Variants in WWP2 observed in about 807,000 individuals in gnomAD.
The protein encoded by WWP2 is NEDD4-like E3 ubiquitin-protein ligase WWP2.
WWP2 carries 57 observed loss-of-function variants against 121.0 expected under a neutral mutation model. That is an observed-to-expected ratio of 0.47 (90% confidence interval 0.38 to 0.59). WWP2 has a LOEUF of 0.59. WWP2 is among the 20% of genes least tolerant of loss of function. The pLI, the probability that WWP2 is intolerant of heterozygous loss-of-function variation, is 0.00. For synonymous variants in WWP2, 449 were observed against 441.3 expected (o/e 1.02, Z -0.22); for missense variants, 962 against 1,158.9 (o/e 0.83, Z 2.47).
In WWP2 at chr16:69,771,296, T is replaced by C. The variant is rs557013383; in HGVS notation, c.-16+8905T>C. Among the ~76,000 whole-genome samples the C allele has an allele frequency of 1.4e-3, 206 of 152,342 alleles. 1 individual carries two copies. The highest frequency in any genetic ancestry group is 6.0e-3 in the South Asian group (29 of 4,826). On this transcript the variant is annotated intron_variant, in intron 1 of 23. Coordinates refer to ENST00000359154, the MANE Select transcript of WWP2 (RefSeq NM_001270454.2). ...TGAAATCTTGCTGTGTCTCCCAGGC[T>C]GGAGTGCAGTGTGCTATCTTGGCTC...
chr16:69,929,525 CA>C lies in WWP2; in HGVS notation c.1313del (p.Gln438ArgfsTer3). The C allele has an allele frequency of 6.2e-7, 1 of 1,614,032 alleles. No homozygotes were observed. Among genetic ancestry groups the C allele is most frequent in the Non-Finnish European group, 8.5e-7 (1 of 1,179,968 alleles). ...GACCCAGTGGGAGGATCCCCGGACCCAGGGGTAAGGACTTGGGCTGAGAGGG... is the reference window on the plus strand; with the variant it reads ...GACCCAGTGGGAGGATCCCCGGACCCGGGGTAAGGACTTGGGCTGAGAGGG... Reference protein sequence around the residue: ...RTTQWEDPRTQGMIQEPALPP... With the variant: ...RTTQWEDPRTXGMIQEPALPP... On this transcript the variant is annotated frameshift_variant, in exon 12 of 24. Coordinates refer to ENST00000359154, the MANE Select transcript of WWP2 (RefSeq NM_001270454.2). LOFTEE classifies it high-confidence loss of function.
chr16:69,848,430 A>T (rs925795430), intron 6 of WWP2, among the ~76,000 whole-genome samples: 3 of 151,918 alleles, frequency 2.0e-5, no homozygotes, highest in Admixed American at 1.3e-4. Flanking sequence ...AGCCTGGTCA[A>T]CAAGAGCAAA....
intron 4 of WWP2, chr16:69,827,958 G>C: frequency 2.2e-6 from 1 of 453,614 alleles, no homozygotes; most frequent in South Asian, 1.6e-5. Flanking sequence ...TGAAATCTTT[G>C]TATCTTGTTT....
At chr16:69,882,703 A>T (rs1365495271) in intron 7 of WWP2, among the ~76,000 whole-genome samples, 2 of 152,212 alleles carry the variant, frequency 1.3e-5, no homozygotes, top group African/African-American at 4.8e-5. Flanking sequence ...TGCAGCAAGA[A>T]CACAAGGGAC....
intron 13 of WWP2, 83 bp downstream of exon 13, chr16:69,930,341 G>A: frequency 6.4e-7 from 1 of 1,574,444 alleles, no homozygotes; most frequent in South Asian, 1.2e-5. Context: ...GCCCACTTTG[G>A]GTGGCCCCTG....
At position 69,940,125 on chromosome 16, in the gene WWP2, C is replaced by T. The variant is rs748150237; in HGVS notation, c.*185C>T. The T allele has an allele frequency of 4.7e-5, 28 of 594,660 alleles. No individual in the cohort carries two copies. The highest frequency in any genetic ancestry group is 2.4e-4 in the African/African-American group (13 of 53,858). The allele number at this position is 594,660 out of a possible 1,614,324, so 36.8% of individuals were successfully genotyped here. A position where few individuals can be genotyped will look rare whatever the true frequency, so the allele number is the denominator to read the frequency against. ...GAGGCCCTGCAGTTCCCCCGACCCG[C>T]GGATGGCAGTCTGGAATAAAGCCCC... On this transcript the variant is annotated 3_prime_UTR_variant, in exon 24 of 24. Transcript: ENST00000359154.
At chr16:69,850,111 G>A (rs902418576) in intron 6 of WWP2, among the ~76,000 whole-genome samples, 2 of 152,156 alleles carry the variant, frequency 1.3e-5, no homozygotes, top group Admixed American at 6.5e-5. Context: ...AGTCGGCCGG[G>A]CGCAGTGGCT....
intron 1 of WWP2, chr16:69,775,122 A>G (rs1307330729): frequency 6.6e-6 from 1 of 152,208 alleles, no homozygotes; most frequent in Admixed American, 6.5e-5. Context: ...CGATTGGACA[A>G]AAGGGGTATG....
In WWP2 at chr16:69,799,264, C is replaced by T. The variant is rs1370204361; in HGVS notation, c.309C>T (p.Leu103=). 1 of 1,613,998 alleles carries T rather than the reference C, an allele frequency of 6.2e-7. No individual in the cohort carries two copies. Among genetic ancestry groups the T allele is most frequent in the Non-Finnish European group, 8.5e-7 (1 of 1,180,040 alleles). ...TGCTAGGCACCGCATCTGTCAACCT[C>T]TCCAACGTCTTGAAGAACAATGGGG... ...NELLGTASVN[L]SNVLKNNGGK... The change falls in exon 4 of 24, where the codon CTC becomes CTT. Residue 103 remains leucine (L), a synonymous_variant. Transcript: ENST00000359154. This position sits in a 1 kb window ranked among gnomAD's most constrained non-coding sequence, Gnocchi z 4.5.
At chr16:69,929,618 CCAGAGGG>C in intron 12 of WWP2, 89 bp downstream of exon 12, 1 of 1,158,864 alleles carries the variant, frequency 8.6e-7, no homozygotes, top group East Asian at 2.4e-5. Flanking sequence ...CTGCATCGTC[CCAGAGGG>C]CTGATGTCAG....
At chr16:69,793,455 C>T (rs1312765163) in intron 2 of WWP2, among the ~76,000 whole-genome samples, 1 of 152,234 alleles carries the variant, frequency 6.6e-6, no homozygotes, top group Non-Finnish European at 1.5e-5. Flanking sequence ...ACAGAGTTAT[C>T]ACTCAGATCA....
At chr16:69,796,571 A>G (rs1040549521) in intron 2 of WWP2, among the ~76,000 whole-genome samples, 1 of 152,234 alleles carries the variant, frequency 6.6e-6, no homozygotes, top group Non-Finnish European at 1.5e-5. Context: ...AAAATTTAAA[A>G]TACAGTTTTT....
intron 1 of WWP2, among the ~76,000 whole-genome samples, chr16:69,778,644 T>TA (rs1358627686): frequency 3.3e-5 from 5 of 152,092 alleles, no homozygotes; most frequent in Middle Eastern, 6.8e-3. Context: ...TTTCTATAGT[T>TA]ACGGTTATTT....
At position 69,787,021 on chromosome 16, in the gene WWP2, C is replaced by T. The variant is rs778621819; in HGVS notation, c.11C>T (p.Ala4Val). The T allele has an allele frequency of 6.2e-7, 1 of 1,612,142 alleles. No individual in the cohort carries two copies. The highest frequency in any genetic ancestry group is 8.5e-7 in the Non-Finnish European group (1 of 1,179,288). Residue 4 changes from alanine (A) to valine (V), a missense_variant, in exon 2 of 24, where the codon GCC becomes GTC. By Grantham distance (64) the Ala-to-Val change is moderately conservative (BLOSUM62 0). Coordinates refer to ENST00000359154, the MANE Select transcript of WWP2 (RefSeq NM_001270454.2). ...CTTCACGGTGATGATATGGCATCTG[C>T]CAGCTCTAGCCGGGCAGGAGTGGCC... MAS[A>V]SSSRAGVALP...
At chr16:69,816,362 A>C (rs1344571257) in intron 4 of WWP2, among the ~76,000 whole-genome samples, 2 of 151,296 alleles carry the variant, frequency 1.3e-5, no homozygotes, top group African/African-American at 2.4e-5. Context: ...TGAGAGGATG[A>C]CTTGAAGCCA....
At chr16:69,886,932 G>A (rs909223588) in intron 7 of WWP2, among the ~76,000 whole-genome samples, 1 of 152,166 alleles carries the variant, frequency 6.6e-6, no homozygotes, top group Non-Finnish European at 1.5e-5. Context: ...TGATGACTAA[G>A]GTGTTTTCCT....
In WWP2 at chr16:69,868,844, G is replaced by A. The variant is rs28651196; in HGVS notation, c.576-2960G>A. Among the ~76,000 whole-genome samples the A allele has an allele frequency of 2.2e-3, 336 of 152,286 alleles. 3 individuals are homozygous for A. Among genetic ancestry groups the A allele is most frequent in the African/African-American group, 7.4e-3 (307 of 41,554 alleles). ...GTGAACATTTCTTCCCATGAAGTGGGAACTTTGAAATATTCATCTTTGACT... is the reference window on the plus strand; with the variant it reads ...GTGAACATTTCTTCCCATGAAGTGGAAACTTTGAAATATTCATCTTTGACT... On this transcript the variant is annotated intron_variant, in intron 6 of 23. Transcript: ENST00000359154.
intron 4 of WWP2, among the ~76,000 whole-genome samples, chr16:69,833,130 A>G (rs2056820866): frequency 6.6e-6 from 1 of 152,242 alleles, no homozygotes; most frequent in African/African-American, 2.4e-5. Context: ...AAGTGCTGGG[A>G]TTACAGGCGT....
At chr16:69,774,207 C>A (rs2055476664) in intron 1 of WWP2, among the ~76,000 whole-genome samples, 1 of 152,102 alleles carries the variant, frequency 6.6e-6, no homozygotes, top group African/African-American at 2.4e-5. Context: ...ACATTTCCAC[C>A]CAACATTGGC....
Sources: gnomAD v4.1 joint callset for allele counts (sites outside exome capture counted in the v4.1 genomes callset) on GRCh38, gnomAD v4.1.1 for gene constraint, Gnocchi (gnomAD v3.1) non-coding constraint, MANE v1.5 for transcripts, NCBI Gene and HGNC (gene_info 2026-07-23, HGNC 2026-07-21) for gene names.